The following GARNL3 variants were observed in gnomAD, a reference collection of about 807,000 sequenced individuals.
The protein encoded by GARNL3 is GTPase-activating Rap/Ran-GAP domain-like protein 3.
In GARNL3, 63 loss-of-function variants were observed where a neutral mutation model predicts 125.0. That is an observed-to-expected ratio of 0.50 (90% CI 0.41 to 0.62). The LOEUF (loss-of-function observed/expected upper bound fraction) is 0.62. Ranked by LOEUF, GARNL3 falls within the 20% of genes least tolerant of loss-of-function variation. The pLI, the probability that GARNL3 is intolerant of heterozygous loss-of-function variation, is 0.00. For synonymous variants in GARNL3, 439 were observed against 457.5 expected (o/e 0.96, Z 0.52); for missense variants, 994 against 1,244.0 (o/e 0.80, Z 3.02).
intron 1 of GARNL3, among the ~76,000 whole-genome samples, chr9:127,268,656 G>A (rs2063754493): frequency 6.6e-6 from 1 of 152,148 alleles, no homozygotes; most frequent in Admixed American, 6.5e-5. Context: ...AACCATCACT[G>A]CTATACACTT....
Position 127,293,522 on chromosome 9 carries a change from G to A in GARNL3, c.219+2280G>A, listed in dbSNP as rs546169674. ...TGCTGGCACGTCCGTTGTCATGTCC[G>A]AGAAACCATTGCCTAATCCAAGGTT... On this transcript the variant is annotated intron_variant, in intron 2 of 27. Transcript: ENST00000373387. Among the ~76,000 whole-genome samples the A allele has an allele frequency of 1.1e-4, 16 of 151,934 alleles. No individual in the cohort carries two copies. The East Asian group carries it at 2.5e-3, about 24-fold the overall frequency.
At chr9:127,373,313 T>G (rs1250037053) in intron 22 of GARNL3, among the ~76,000 whole-genome samples, 1 of 152,178 alleles carries the variant, frequency 6.6e-6, no homozygotes, top group African/African-American at 2.4e-5. Flanking sequence ...TAGGTTGAGA[T>G]CAGGTGGCCT....
At chr9:127,334,525 G>A (rs766146394) in intron 9 of GARNL3, among the ~76,000 whole-genome samples, 14 of 152,074 alleles carry the variant, frequency 9.2e-5, no homozygotes, top group Admixed American at 4.6e-4. Flanking sequence ...AGCTTCACTC[G>A]AACACACATA....
intron 2 of GARNL3, among the ~76,000 whole-genome samples, chr9:127,310,773 CAAAAAA>C (rs905120960): frequency 1.3e-5 from 1 of 74,778 alleles, no homozygotes. Flanking sequence ...GACTCTGTCT[CAAAAAA>C]AAAAAAAAAA....
chr9:127,374,909 CAAAA>C (rs772141471), intron 22 of GARNL3, among the ~76,000 whole-genome samples: 2 of 63,236 alleles, frequency 3.2e-5, no homozygotes, highest in South Asian at 5.3e-4. Flanking sequence ...TCCATCTCTA[CAAAA>C]AAAAAAAAAA....
At chr9:127,230,132 T>G (rs969983611) in intron 1 of GARNL3, among the ~76,000 whole-genome samples, 4 of 152,190 alleles carry the variant, frequency 2.6e-5, no homozygotes, top group African/African-American at 9.7e-5. Flanking sequence ...TCAGATAGTG[T>G]TAAAGAACAA....
chr9:127,225,815 CGCGCCCCTT>C (rs1385696525), intron 1 of GARNL3, among the ~76,000 whole-genome samples: 1 of 4,482 alleles, frequency 2.2e-4, no homozygotes, highest in Non-Finnish European at 5.6e-4. Context: ...CCGCGCCCCT[CGCGCCCCTT>C]GCGCCCCTCG....
rs532944478 is a variant in GARNL3 at position 127,368,589 on chromosome 9, C to T, written c.2161+3223C>T. ...CAGGTGATCCACCTGCCTCAGCCTC[C>T]CAAAGTGCTGGGATTACAGGCGTGA... On this transcript the variant is annotated intron_variant, in intron 22 of 27. Coordinates refer to ENST00000373387, the MANE Select transcript of GARNL3 (RefSeq NM_032293.5). 2.0e-4 allele frequency among the ~76,000 whole-genome samples: 31 copies of T among 151,236 alleles called. 1 individual carries two copies. Among genetic ancestry groups the T allele is most frequent in the Admixed American group, 6.6e-5 (1 of 15,236 alleles).
At chr9:127,350,819 AAAC>A (rs886705647) in intron 17 of GARNL3, among the ~76,000 whole-genome samples, 16 of 152,192 alleles carry the variant, frequency 1.1e-4, no homozygotes, top group African/African-American at 1.7e-4. Flanking sequence ...GCCAAAAGTG[AAAC>A]AACAACAACA....
At position 127,355,380 on chromosome 9, in the gene GARNL3, A is replaced by G. The variant is rs1260039702; in HGVS notation, c.1843A>G (p.Thr615Ala). The G allele has an allele frequency of 5.0e-6, 8 of 1,614,136 alleles. No homozygotes were observed. Among genetic ancestry groups the G allele is most frequent in the Admixed American group, 1.7e-5 (1 of 60,016 alleles). Residue 615 changes from threonine to alanine, a missense_variant, in exon 20 of 28, where the codon ACA (threonine) becomes GCA (alanine). By Grantham distance (58) the Thr-to-Ala change is moderately conservative (BLOSUM62 0). Transcript: ENST00000373387. ...AATTCGGAATAAACTGCTTCTGATC[A>G]CAAGAAAACACAACAAGCCAAGCGG... is the stretch of plus-strand genomic sequence containing the variant. ...VAIRNKLLLI[T>A]RKHNKPSGVT... is the part of the protein sequence containing the mutation.
chr9:127,335,650 T>A (rs1035051264), intron 10 of GARNL3, among the ~76,000 whole-genome samples: 30 of 152,286 alleles, frequency 2.0e-4, no homozygotes, highest in Admixed American at 4.6e-4. Context: ...TCTTTTTTTT[T>A]AATATATTTG....
chr9:127,383,579 T>C (rs750340803), intron 23 of GARNL3, 34 bp downstream of exon 23: 12 of 1,379,026 alleles, frequency 8.7e-6, no homozygotes, highest in African/African-American at 2.9e-5. Flanking sequence ...GCTTTTCTCC[T>C]TCATGGATAT....
At chr9:127,339,144 A>G (rs7044035) in intron 12 of GARNL3, among the ~76,000 whole-genome samples, 60,453 of 151,560 alleles carry the variant, frequency 0.4, 13,355 homozygotes, top group African/African-American at 0.59. Flanking sequence ...AAAAATACAA[A>G]AAATTAGCCG....
At chr9:127,334,138 G>A (rs548023829) in intron 9 of GARNL3, among the ~76,000 whole-genome samples, 50 of 152,312 alleles carry the variant, frequency 3.3e-4, no homozygotes, top group Admixed American at 3.1e-3. Context: ...TGGCACCAGC[G>A]GTGAGATTGG....
chr9:127,264,895 C>G lies in GARNL3; in HGVS notation c.18C>G (p.Cys6Trp), dbSNP rs1564860467. The G allele has an allele frequency of 5.7e-6, 9 of 1,582,296 alleles. No individual in the cohort carries two copies. Among genetic ancestry groups the G allele is most frequent in the Non-Finnish European group, 6.9e-6 (8 of 1,161,262 alleles). Residue 6 changes from cysteine to tryptophan, a missense_variant, in exon 1 of 28, where the codon TGC becomes TGG. This residue lies in a region of GARNL3 where 37 missense variants were observed against 34.2 expected (regional missense o/e 1.08). Coordinates refer to ENST00000373387, the MANE Select transcript of GARNL3 (RefSeq NM_032293.5). MVVDF[C>W]RRFVARSLCI... ...TTTTGCAAATGGTAGTTGATTTTTGCAGAAGGTTTGTGGCCAGATCGCTAT... is the reference window on the plus strand; with the variant it reads ...TTTTGCAAATGGTAGTTGATTTTTGGAGAAGGTTTGTGGCCAGATCGCTAT...
At chr9:127,378,357 A>AG (rs1446452812) in intron 22 of GARNL3, among the ~76,000 whole-genome samples, 1 of 151,994 alleles carries the variant, frequency 6.6e-6, no homozygotes, top group Non-Finnish European at 1.5e-5. Context: ...GGAGGCCAAG[A>AG]GGGCAGATCA....
chr9:127,365,196 C>A, intron 21 of GARNL3, 104 bp from the exon 22 acceptor site: 1 of 910,328 alleles, frequency 1.1e-6, no homozygotes, highest in Non-Finnish European at 1.8e-6. Context: ...ATGGCACCTG[C>A]ATGACAGAGG....
intron 16 of GARNL3, among the ~76,000 whole-genome samples, chr9:127,345,759 A>G (rs562153984): frequency 1.5e-4 from 23 of 152,346 alleles, no homozygotes; most frequent in African/African-American, 5.0e-4. Flanking sequence ...CTTTATGTGC[A>G]TACACATCAC....
chr9:127,347,142 G>A (rs1324901102), intron 16 of GARNL3, among the ~76,000 whole-genome samples: 10 of 152,172 alleles, frequency 6.6e-5, no homozygotes, highest in Non-Finnish European at 8.8e-5. Context: ...AAATGGGGCC[G>A]GGTGCAGTGG....
Sources: gnomAD v4.1 joint callset for allele counts (sites outside exome capture counted in the v4.1 genomes callset) on GRCh38, gnomAD v4.1.1 for gene constraint, gnomAD v4.1.1 regional missense constraint, MANE v1.5 for transcripts, NCBI Gene and HGNC (gene_info 2026-07-23, HGNC 2026-07-21) for gene names.